The following SCART1 variants were observed in gnomAD, a reference collection of about 807,000 sequenced individuals.
SCART1 encodes the protein scavenger receptor family member expressed on T cells 1.
SCART1 carries 62 observed loss-of-function variants against 36.2 expected under a neutral mutation model. The observed-to-expected ratio is 1.71, with a 90% CI of 1.40 to 2.12. The LOEUF is 2.12. Ranked by LOEUF, SCART1 falls within the 30% of genes most tolerant of loss-of-function variation. The pLI is 0.00. For missense variants in SCART1, 1,041 were observed against 540.5 expected (o/e 1.93, Z -9.18); for synonymous variants, 487 against 238.7 (o/e 2.04, Z -9.59).
intron 5 of SCART1, 43 bp from the exon 6 acceptor site, chr10:133,459,444 C>G (rs2257045): frequency 0.64 from 396,335 of 614,982 alleles, 132,611 homozygotes; most frequent in Non-Finnish European, 0.72. Context: ...GTCCTGGGTC[C>G]CTCCCGCTGA....
chr10:133,459,221 G>A, exon 5 of SCART1: 1 of 699,696 alleles, frequency 1.4e-6, no homozygotes, highest in Non-Finnish European at 2.6e-6. Flanking sequence ...CTGGCCTGAT[G>A]CCTTTCACTG....
intron 6 of SCART1, among the ~76,000 whole-genome samples, chr10:133,462,650 C>T (rs918199286): frequency 5.3e-5 from 8 of 152,202 alleles, no homozygotes. Context: ...GCTGGTTCTC[C>T]GTCCCAGCCG....
At chr10:133,456,692 GCT>G in intron 2 of SCART1, 138 bp downstream of exon 2, 1 of 586,322 alleles carries the variant, frequency 1.7e-6, no homozygotes. Flanking sequence ...TGGGTCTGGA[GCT>G]CTCTCTGGGA....
exon 4 of SCART1, chr10:133,458,512 G>A (rs984164708): frequency 1.6e-5 from 11 of 676,478 alleles, no homozygotes; most frequent in East Asian, 2.7e-5. Context: ...GTCCACGCCC[G>A]AGGGCGCCCG....
At chr10:133,460,463 C>G (rs1050169057) in intron 6 of SCART1, among the ~76,000 whole-genome samples, 1 of 116,566 alleles carries the variant, frequency 8.6e-6, no homozygotes, top group Non-Finnish European at 1.7e-5. Flanking sequence ...AAGTTTCCAT[C>G]CGAAATTCAT....
downstream of SCART1, among the ~76,000 whole-genome samples, chr10:133,469,648 C>T (rs983124872): frequency 1.3e-5 from 2 of 152,046 alleles, no homozygotes; most frequent in Admixed American, 6.6e-5. Context: ...AGGTAGATGA[C>T]GGGTTGATGG....
exon 1 of SCART1, chr10:133,453,949 C>T (rs1391986572): frequency 1.4e-6 from 1 of 702,582 alleles, no homozygotes; most frequent in African/African-American, 1.7e-5. Context: ...TCTGCCATTG[C>T]CCCAGCTAAG....
chr10:133,460,490 T>TATATATATATATATA (rs1564834608), intron 6 of SCART1, among the ~76,000 whole-genome samples: 1 of 102,946 alleles, frequency 9.7e-6, no homozygotes, highest in African/African-American at 4.0e-5. Context: ...ATATATATAT[T>TATATATATATATATA]TATATATTTT....
chr10:133,458,968 C>T (rs1378019294), intron 4 of SCART1, 53 bp from the exon 5 acceptor site: 4 of 638,802 alleles, frequency 6.3e-6, no homozygotes, highest in African/African-American at 3.6e-5. Flanking sequence ...CCACAGACAG[C>T]CATGTTCTGG....
In SCART1 at chr10:133,456,452, G is replaced by A. The variant is rs571585272; in HGVS notation, c.283G>A (p.Val95Met). 1.3e-4 allele frequency: 89 copies of A among 702,404 alleles called. 1 individual carries two copies. Among genetic ancestry groups the A allele is most frequent in the Non-Finnish European group, 1.2e-4 (48 of 384,624 alleles). The allele number at this position is 702,404 out of a possible 1,614,324, so 43.5% of individuals were successfully genotyped here. ...GATGGCCCAGCCCTGGCTTCACAAC[G>A]TGTCCTGCCGGGGCAACGAGTCCTC... The change falls in exon 2 of 12, where the codon GTG becomes ATG. Residue 95 changes from valine to methionine, a missense_variant. Coordinates refer to ENST00000640237, the Ensembl canonical transcript of SCART1.
Position 133,456,588 on chromosome 10 carries a change from G to GGAGGAGGAGGAGTGGGAGGAC in SCART1, c.385+46_385+66dup, listed in dbSNP as rs751833983. On this transcript the variant is annotated intron_variant, in intron 2 of 11. Coordinates refer to ENST00000640237, the Ensembl canonical transcript of SCART1. ...GGAGGAGTGAAGGGGACGGGGCTGA[G>GGAGGAGGAGGAGTGGGAGGAC]GAGGAGGAGGAGTGGGAGGACGAGG... 3,474 of 595,930 alleles carry GGAGGAGGAGGAGTGGGAGGAC rather than the reference G, an allele frequency of 5.8e-3. 88 individuals carry two copies. The highest frequency in any genetic ancestry group is 0.056 in the African/African-American group (3,025 of 54,104). The allele number at this position is 595,930 out of a possible 1,614,324, so 36.9% of individuals were successfully genotyped here. A position where few individuals can be genotyped will look rare whatever the true frequency, so the allele number is the denominator to read the frequency against.
chr10:133,461,596 G>T (rs1254549693), intron 6 of SCART1, among the ~76,000 whole-genome samples: 8 of 152,140 alleles, frequency 5.3e-5, no homozygotes, highest in Non-Finnish European at 5.9e-5. Context: ...TGGCACCCAC[G>T]TCACAATCTG....
At position 133,459,864 on chromosome 10, in the gene SCART1, C is replaced by CT. The variant is rs1246823771; in HGVS notation, c.1664dup (p.Ser556ValfsTer27). On this transcript the variant is annotated frameshift_variant, in exon 6 of 12. Coordinates refer to ENST00000640237, the Ensembl canonical transcript of SCART1. LOFTEE classifies it high-confidence loss of function. The stretch of plus-strand genomic sequence containing the variant: ...CCACGGGATCCCGGGCGCCCTGACT[C>CT]TGTCTCTCCACAGGGAGCCTCAGGG... 7.1e-6 allele frequency: 4 copies of CT among 562,108 alleles called. No homozygotes were observed. The East Asian group carries it at 1.3e-4, about 18-fold the overall frequency. 34.8% of individuals were successfully genotyped at this position (562,108 alleles called of 1,614,324 possible).
exon 9 of SCART1, chr10:133,465,441 C>A: frequency 1.8e-6 from 1 of 545,478 alleles, no homozygotes; most frequent in Non-Finnish European, 3.2e-6. Flanking sequence ...GCCCTGGCTC[C>A]GGGCCCGTGT....
chr10:133,460,754 C>CT (rs35502706), intron 6 of SCART1, among the ~76,000 whole-genome samples: 10,856 of 144,002 alleles, frequency 0.075, 521 homozygotes, highest in African/African-American at 0.15. Flanking sequence ...TTTTTGCAGA[C>CT]TTTTTTTTTT....
chr10:133,458,547 G>A (rs1193051950), exon 4 of SCART1: 1 of 681,120 alleles, frequency 1.5e-6, no homozygotes, highest in South Asian at 1.6e-5. Context: ...CGGGGCCGGT[G>A]TGGACGGAGG....
exon 11 of SCART1, chr10:133,467,312 A>T (rs1381508989): frequency 1.4e-6 from 1 of 702,896 alleles, no homozygotes; most frequent in Admixed American, 2.0e-5. Context: ...CTCCAAGATG[A>T]GGAGGACGGA....
intron 1 of SCART1, among the ~76,000 whole-genome samples, chr10:133,455,801 G>A (rs1850601599): frequency 1.3e-5 from 2 of 152,222 alleles, no homozygotes; most frequent in East Asian, 3.9e-4. Context: ...GCAGAGGACA[G>A]GACCGAAGGG....
At chr10:133,465,753 G>A in intron 9 of SCART1, 188 bp downstream of exon 9, 1 of 663,968 alleles carries the variant, frequency 1.5e-6, no homozygotes, top group Non-Finnish European at 2.7e-6. Context: ...CACTCCCTGG[G>A]GTTTCCCCCT....
Sources: gnomAD v4.1 joint callset for allele counts (sites outside exome capture counted in the v4.1 genomes callset) on GRCh38, gnomAD v4.1.1 for gene constraint, MANE v1.5 for transcripts, NCBI Gene and HGNC (gene_info 2026-07-23, HGNC 2026-07-21) for gene names.